The following HDLBP variants were observed in gnomAD, a reference collection of about 807,000 sequenced individuals.
The protein encoded by HDLBP is high density lipoprotein binding protein, also known as vigilin.
In HDLBP, 30 loss-of-function variants were observed where a neutral mutation model predicts 137.3. The observed-to-expected ratio is 0.22, with a 90% CI of 0.16 to 0.30. The LOEUF (loss-of-function observed/expected upper bound fraction) is 0.30. Ranked by LOEUF, HDLBP falls within the 10% of genes least tolerant of loss-of-function variation. The pLI is 1.00. For missense variants in HDLBP, 1,119 were observed against 1,667.3 expected, an observed-to-expected ratio of 0.67 and a Z score of 5.73; for synonymous variants, 606 against 596.0, an observed-to-expected ratio of 1.02 and a Z score of -0.24.
chr2:241,276,743 G>C (rs931540818), intron 1 of HDLBP, among the ~76,000 whole-genome samples: 1 of 152,118 alleles, frequency 6.6e-6, no homozygotes, highest in Non-Finnish European at 1.5e-5. Flanking sequence ...TAAAAATTCA[G>C]TAACTCTGAT....
At chr2:241,314,783 C>T (rs1329676109) in intron 1 of HDLBP, among the ~76,000 whole-genome samples, 1 of 152,170 alleles carries the variant, frequency 6.6e-6, no homozygotes, top group Non-Finnish European at 1.5e-5. Context: ...CAACATGCCA[C>T]GGTGTCAGAA....
chr2:241,269,812 C>T (rs932448977), intron 1 of HDLBP, among the ~76,000 whole-genome samples: 1 of 152,188 alleles, frequency 6.6e-6, no homozygotes, highest in Non-Finnish European at 1.5e-5. Context: ...CAAAACAGGG[C>T]AGGGCACTCC....
At position 241,257,846 on chromosome 2, in the gene HDLBP, C is replaced by T. The variant is rs12619529; in HGVS notation, c.451-1040G>A. On this transcript the variant is annotated intron_variant, in intron 5 of 27. Coordinates refer to ENST00000310931, the MANE Select transcript of HDLBP (RefSeq NM_005336.6). ...AAACATGAAACCATTATCATTAACA[C>T]AGGAAATACCAGTATACGGAAAGAC... is the stretch of plus-strand genomic sequence containing the variant. Among the ~76,000 whole-genome samples the T allele has an allele frequency of 6.0e-3, 913 of 151,706 alleles. 26 individuals are homozygous for T. The East Asian group carries it at 0.087, about 14-fold the overall frequency.
rs77277316 is a variant in HDLBP at position 241,308,035 on chromosome 2, G to C, written c.-103+7535C>G. 6.1e-3 allele frequency among the ~76,000 whole-genome samples: 933 copies of C among 152,296 alleles called. 5 individuals carry two copies. The highest frequency in any genetic ancestry group is 0.021 in the African/African-American group (892 of 41,546). ...AAGGTAAAACTGCCCACCTCCCAAA[G>C]AGTTTAACTAGTTACACTCACAACA... is the stretch of plus-strand genomic sequence containing the variant. On this transcript the variant is annotated intron_variant, in intron 1 of 27. Coordinates refer to ENST00000310931, the MANE Select transcript of HDLBP (RefSeq NM_005336.6).
Position 241,230,384 on chromosome 2 carries a change from T to C in HDLBP, c.3475-115A>G, listed in dbSNP as rs904541300. The C allele has an allele frequency of 1.9e-5, 14 of 723,180 alleles. No individual in the cohort carries two copies. In the African/African-American group the frequency reaches 2.3e-4, roughly 12 times the overall value. The allele number at this position is 723,180 out of a possible 1,614,324, so 44.8% of individuals were successfully genotyped here. On this transcript the variant is annotated intron_variant, in intron 25 of 27. Coordinates refer to ENST00000310931, the MANE Select transcript of HDLBP (RefSeq NM_005336.6). This position sits in a 1 kb window ranked among gnomAD's most constrained non-coding sequence, Gnocchi z 5.0. ...AGTTAGCAAACGTTTTAAAATCTGGTTTCAGAGTTGTTCTGAAGTCAGTCA... is the reference window on the plus strand; with the variant it reads ...AGTTAGCAAACGTTTTAAAATCTGGCTTCAGAGTTGTTCTGAAGTCAGTCA...
chr2:241,276,618 G>C (rs1277964723), intron 1 of HDLBP, among the ~76,000 whole-genome samples: 1 of 152,076 alleles, frequency 6.6e-6, no homozygotes, highest in Non-Finnish European at 1.5e-5. Context: ...GAAATAAAGA[G>C]ATGGAAGAAG....
intron 1 of HDLBP, among the ~76,000 whole-genome samples, chr2:241,305,471 C>T (rs1458975178): frequency 6.6e-6 from 1 of 152,104 alleles, no homozygotes; most frequent in Non-Finnish European, 1.5e-5. Flanking sequence ...ATGGCTATAC[C>T]CTAGAGCCCT....
intron 1 of HDLBP, among the ~76,000 whole-genome samples, chr2:241,285,879 T>C (rs1002660107): frequency 6.6e-6 from 1 of 151,850 alleles, no homozygotes; most frequent in African/African-American, 2.4e-5. Context: ...AAATAAAAAA[T>C]AAAAACAATT....
At chr2:241,291,999 G>T (rs1426451129) in intron 1 of HDLBP, among the ~76,000 whole-genome samples, 1 of 152,208 alleles carries the variant, frequency 6.6e-6, no homozygotes, top group Non-Finnish European at 1.5e-5. Context: ...AGCAGCAATA[G>T]GAAAGTAATA....
intron 11 of HDLBP, among the ~76,000 whole-genome samples, 178 bp downstream of exon 11, chr2:241,252,778 CA>C (rs1193249285): frequency 1.3e-5 from 2 of 152,166 alleles, no homozygotes; most frequent in African/African-American, 4.8e-5. Context: ...ACCACTGCAC[CA>C]AAGGGAAAAG....
intron 5 of HDLBP, among the ~76,000 whole-genome samples, chr2:241,257,070 C>T (rs1255980207): frequency 6.6e-6 from 1 of 152,190 alleles, no homozygotes. Context: ...CAAGAGTTAA[C>T]ATCCACAAAA....
rs34791807 is a variant in HDLBP, at chr2:241,286,946, C to CAAA, written c.-102-18408_-102-18406dup. Among the ~76,000 whole-genome samples, 41 of 128,170 alleles carry CAAA rather than the reference C, an allele frequency of 3.2e-4. 1 individual carries two copies. Among genetic ancestry groups the CAAA allele is most frequent in the African/African-American group, 6.2e-4 (20 of 32,424 alleles). 84.1% of individuals were successfully genotyped at this position (128,170 alleles called of 152,430 possible). On this transcript the variant is annotated intron_variant, in intron 1 of 27. Coordinates refer to ENST00000310931, the MANE Select transcript of HDLBP (RefSeq NM_005336.6). ...GGACAACACAGCAAGACCCTGTTTCCAAAAAAAAAAAAAAAGAAAACATGT... is the reference window on the plus strand; with the variant it reads ...GGACAACACAGCAAGACCCTGTTTCCAAAAAAAAAAAAAAAAAAGAAAACATGT...
Position 241,229,642 on chromosome 2 carries a change from G to C in HDLBP, c.3766C>G (p.Gln1256Glu), listed in dbSNP as rs1174659237. Residue 1256 changes from glutamine to glutamate, a missense_variant, in exon 28 of 28, where the codon CAG becomes GAG. Physicochemically the swap from Gln to Glu is conservative, Grantham distance 29. Around this residue, in one of 4 missense-constraint regions of HDLBP, gnomAD observed 618 missense variants for 816.7 expected, o/e 0.76. Transcript: ENST00000310931. ...CAAGGGAGGGTCTTGGGAGCCACCTGAGCCCCAAAGCTGGGAAATTCCTCA... is the reference window on the plus strand; with the variant it reads ...CAAGGGAGGGTCTTGGGAGCCACCTCAGCCCCAAAGCTGGGAAATTCCTCA... ...SSEEFPSFGA[Q>E]VAPKTLPWGP... is the part of the protein sequence containing the mutation. 1.2e-6 allele frequency: 2 copies of C among 1,614,142 alleles called. No individual in the cohort carries two copies. Among genetic ancestry groups the C allele is most frequent in the Non-Finnish European group, 8.5e-7 (1 of 1,180,020 alleles).
Position 241,239,671 on chromosome 2 carries a change from G to A in HDLBP, c.2541C>T (p.Val847=). The A allele has an allele frequency of 6.2e-7, 1 of 1,614,224 alleles. No individual in the cohort carries two copies. Among genetic ancestry groups the A allele is most frequent in the Non-Finnish European group, 8.5e-7 (1 of 1,180,040 alleles). The change falls in exon 19 of 28, where the codon GTC becomes GTT. Residue 847 remains valine, a synonymous_variant. Coordinates refer to ENST00000310931, the MANE Select transcript of HDLBP (RefSeq NM_005336.6). This position sits in a 1 kb window ranked among gnomAD's most constrained non-coding sequence, Gnocchi z 4.6. ...FPRSGTQSDK[V]TLKGAKDCVE... is the part of the protein sequence containing the mutation. ...CACAGTCCTTGGCGCCCTTGAGGGT[G>A]ACTTTGTCGCTCTGTGTGCCAGAGC... is the stretch of plus-strand genomic sequence containing the variant.
In HDLBP at chr2:241,272,897, GCGCCCGCCCGCCC is replaced by G. The variant is rs2074221333; in HGVS notation, c.-102-4369_-102-4357del. The G allele has an allele frequency of 1.9e-6, 1 of 528,582 alleles. No individual in the cohort carries two copies. Among genetic ancestry groups the G allele is most frequent in the Non-Finnish European group, 2.4e-6 (1 of 413,324 alleles). 32.7% of individuals were successfully genotyped at this position (528,582 alleles called of 1,614,324 possible). ...GGCCCAATCCCGCCTGGACACGTCA[GCGCCCGCCCGCCC>G]CGCCGCTGGGGTCCCCGCCGCCCCG... On this transcript the variant is annotated intron_variant, in intron 1 of 27. Transcript: ENST00000310931. The surrounding 1 kb of genome is among the most constrained non-coding windows in gnomAD (Gnocchi z 5.6).
intron 16 of HDLBP, among the ~76,000 whole-genome samples, chr2:241,245,020 C>T (rs560239775): frequency 2.0e-5 from 3 of 151,896 alleles, no homozygotes; most frequent in South Asian, 2.1e-4. Flanking sequence ...CATTAAAAAA[C>T]GATTAAAATG....
At chr2:241,306,669 A>G (rs1314091374) in intron 1 of HDLBP, among the ~76,000 whole-genome samples, 2 of 151,898 alleles carry the variant, frequency 1.3e-5, no homozygotes, top group African/African-American at 4.8e-5. Flanking sequence ...CTTCATTGGG[A>G]GGCCGAGGCT....
chr2:241,304,833 A>G (rs750948621), intron 1 of HDLBP, among the ~76,000 whole-genome samples: 50 of 152,314 alleles, frequency 3.3e-4, no homozygotes, highest in Admixed American at 2.6e-4. Flanking sequence ...ATCTGTCAAG[A>G]TGGAATGTTT....
At position 241,238,725 on chromosome 2, in the gene HDLBP, G is replaced by A. The variant is rs902095060; in HGVS notation, c.2673C>T (p.Pro891=). ...TAATCTGCTGGATTCTGGAACCTTT[G>A]GGGCCCATGACAGATCGATGGAATT... ...PQKFHRSVMG[P]KGSRIQQITR... Residue 891 remains proline (P), a synonymous_variant, in exon 20 of 28, where the codon CCC becomes CCT. Coordinates refer to ENST00000310931, the MANE Select transcript of HDLBP (RefSeq NM_005336.6). This position sits in a 1 kb window ranked among gnomAD's most constrained non-coding sequence, Gnocchi z 4.9. The A allele has an allele frequency of 3.1e-6, 5 of 1,590,100 alleles. No individual in the cohort carries two copies. The highest frequency in any genetic ancestry group is 4.3e-6 in the Non-Finnish European group (5 of 1,162,608).
Sources: gnomAD v4.1 joint callset for allele counts (sites outside exome capture counted in the v4.1 genomes callset) on GRCh38, gnomAD v4.1.1 for gene constraint, gnomAD v4.1.1 regional missense constraint, Gnocchi (gnomAD v3.1) non-coding constraint, MANE v1.5 for transcripts, NCBI Gene and HGNC (gene_info 2026-07-23, HGNC 2026-07-21) for gene names.